PXYLP1: variants seen among roughly 807,000 people sequenced by gnomAD.
The protein encoded by PXYLP1 is 2-phosphoxylose phosphatase 1.
A neutral mutation model predicts 37.9 loss-of-function variants in PXYLP1; 17 were observed. The ratio of observed to expected loss-of-function variants is 0.45; its 90% CI spans 0.31 to 0.67. The LOEUF is 0.67. PXYLP1 is among the 30% of genes least tolerant of loss of function. The pLI, the probability that PXYLP1 is intolerant of heterozygous loss-of-function variation, is 0.07. For missense variants in PXYLP1, 511 were observed against 612.0 expected, an observed-to-expected ratio of 0.84 and a Z score of 1.74; for synonymous variants, 221 against 232.2, an observed-to-expected ratio of 0.95 and a Z score of 0.44.
chr3:141,241,528 G>A (rs1180431019), intron 1 of PXYLP1, among the ~76,000 whole-genome samples: 1 of 152,196 alleles, frequency 6.6e-6, no homozygotes, highest in Non-Finnish European at 1.5e-5. Context: ...GGGGAAGGTG[G>A]TGCTTAAGCT....
intron 2 of PXYLP1, among the ~76,000 whole-genome samples, chr3:141,271,341 C>G (rs1421585782): frequency 6.6e-6 from 1 of 152,178 alleles, no homozygotes; most frequent in Non-Finnish European, 1.5e-5. Context: ...GCAGGGGCAA[C>G]TGAGGACAGA....
intron 1 of PXYLP1, among the ~76,000 whole-genome samples, chr3:141,256,269 T>C (rs1286337384): frequency 1.3e-5 from 2 of 152,140 alleles, no homozygotes; most frequent in East Asian, 3.9e-4. Flanking sequence ...TTTTGTCTCT[T>C]ATCCTCAGTC....
At position 141,260,267 on chromosome 3, in the gene PXYLP1, G is replaced by A. The variant is rs200290150; in HGVS notation, c.79+13G>A. ...AGCCTGCAGTTCTGTGAGTAGAGCC[G>A]GGCCCCGCAGGTCGTGGGAGGGTAG... On this transcript the variant is annotated intron_variant, in intron 2 of 5. Coordinates refer to ENST00000286353, the MANE Select transcript of PXYLP1 (RefSeq NM_001037172.3). The A allele has an allele frequency of 2.2e-4, 347 of 1,611,438 alleles. 1 individual carries two copies. Among genetic ancestry groups the A allele is most frequent in the Admixed American group, 4.5e-4 (27 of 60,014 alleles).
chr3:141,240,494 G>A (rs1475914717), intron 1 of PXYLP1, among the ~76,000 whole-genome samples: 3 of 152,038 alleles, frequency 2.0e-5, no homozygotes, highest in Admixed American at 2.0e-4. Flanking sequence ...TGTGGGCCAG[G>A]CTCAGAGGTG....
At chr3:141,262,176 G>A in intron 2 of PXYLP1, 1 of 613,360 alleles carries the variant, frequency 1.6e-6, no homozygotes, top group Non-Finnish European at 2.0e-6. Context: ...ATATTTCCAT[G>A]TACATGCATA....
intron 2 of PXYLP1, chr3:141,262,512 G>A: frequency 1.3e-6 from 1 of 787,828 alleles, no homozygotes; most frequent in South Asian, 2.8e-5. Flanking sequence ...GCATGAGCTG[G>A]TTTCCACGTC....
At chr3:141,246,813 T>A (rs1940970587) in intron 1 of PXYLP1, among the ~76,000 whole-genome samples, 1 of 152,244 alleles carries the variant, frequency 6.6e-6, no homozygotes, top group African/African-American at 2.4e-5. Context: ...CATTTTACAC[T>A]TATCCTCATA....
In PXYLP1 at chr3:141,278,467, A is replaced by G. The variant is rs778738753; in HGVS notation, c.205A>G (p.Asn69Asp). 1 of 1,614,178 alleles carries G rather than the reference A, an allele frequency of 6.2e-7. No individual in the cohort carries two copies. Among genetic ancestry groups the G allele is most frequent in the South Asian group, 1.1e-5 (1 of 91,078 alleles). The change falls in exon 3 of 6, where the codon AAC becomes GAC. Residue 69 changes from asparagine (N) to aspartate (D), a missense_variant. By Grantham distance (23) the Asn-to-Asp change is conservative. Transcript: ENST00000286353. Reference protein sequence around the residue: ...DPVYEALLYCNIPSVAERSME... With the variant: ...DPVYEALLYCDIPSVAERSME... The stretch of plus-strand genomic sequence containing the variant: ...CGTTTATGAAGCTCTTTTGTACTGC[A>G]ACATCCCCAGCGTGGCCGAGCGCAG...
intron 1 of PXYLP1, among the ~76,000 whole-genome samples, chr3:141,236,058 C>T (rs1940651197): frequency 6.6e-6 from 1 of 152,126 alleles, no homozygotes; most frequent in South Asian, 2.1e-4. Context: ...TTTCTGCAGT[C>T]AGGAGGCACC....
At position 141,262,870 on chromosome 3, in the gene PXYLP1, T is replaced by A. The variant is rs533271486; in HGVS notation, c.79+2616T>A. On this transcript the variant is annotated intron_variant, in intron 2 of 5. Coordinates refer to ENST00000286353, the MANE Select transcript of PXYLP1 (RefSeq NM_001037172.3). ...ACAGGTTTCGCTTATATACCACTTATGTTCTCATTCTTATCCTAAAATATA... is the reference window on the plus strand; with the variant it reads ...ACAGGTTTCGCTTATATACCACTTAAGTTCTCATTCTTATCCTAAAATATA... The A allele has an allele frequency of 1.6e-5, 9 of 548,486 alleles. No homozygotes were observed. The East Asian group carries it at 2.5e-4, about 15-fold the overall frequency. The allele number at this position is 548,486 out of a possible 1,614,324, so 34.0% of individuals were successfully genotyped here.
Position 141,266,254 on chromosome 3 carries a change from C to T in PXYLP1, c.79+6000C>T, listed in dbSNP as rs905560775. On this transcript the variant is annotated intron_variant, in intron 2 of 5. Coordinates refer to ENST00000286353, the MANE Select transcript of PXYLP1 (RefSeq NM_001037172.3). Reference sequence around the variant, plus strand: ...TTAAAACTAGGCAATTTCATGTAAACTTCCAGCTCCTCTTTGAAAAACCAG... The same window carrying T: ...TTAAAACTAGGCAATTTCATGTAAATTTCCAGCTCCTCTTTGAAAAACCAG... 3.9e-5 allele frequency among the ~76,000 whole-genome samples: 6 copies of T among 152,310 alleles called. No individual in the cohort carries two copies. In the South Asian group the frequency reaches 8.3e-4, roughly 21 times the overall value.
intron 4 of PXYLP1, among the ~76,000 whole-genome samples, chr3:141,279,718 A>C (rs946178500): frequency 2.0e-5 from 3 of 152,228 alleles, no homozygotes; most frequent in African/African-American, 7.2e-5. Context: ...TACTGAGCCC[A>C]GGCCAGTCTG....
intron 1 of PXYLP1, among the ~76,000 whole-genome samples, chr3:141,251,481 G>A (rs1388734726): frequency 6.6e-6 from 1 of 152,200 alleles, no homozygotes; most frequent in Non-Finnish European, 1.5e-5. Context: ...AGGGAGTTTA[G>A]GAAATATTCT....
chr3:141,238,509 C>T (rs1940712369), intron 1 of PXYLP1, among the ~76,000 whole-genome samples: 1 of 152,202 alleles, frequency 6.6e-6, no homozygotes, highest in Non-Finnish European at 1.5e-5. Flanking sequence ...ATACTTCATA[C>T]CGATAAGTCA....
chr3:141,240,324 G>A (rs1940764650), intron 1 of PXYLP1, among the ~76,000 whole-genome samples: 1 of 152,158 alleles, frequency 6.6e-6, no homozygotes, highest in African/African-American at 2.4e-5. Flanking sequence ...AATATGGTAG[G>A]CATTCACTTT....
intron 1 of PXYLP1, among the ~76,000 whole-genome samples, chr3:141,255,192 G>A (rs1171155570): frequency 6.6e-6 from 1 of 152,238 alleles, no homozygotes; most frequent in Non-Finnish European, 1.5e-5. Context: ...GTTGAATTGA[G>A]TTAGCTGGGT....
rs150093937 is a variant in PXYLP1 at position 141,237,580 on chromosome 3, C to T, written c.-54+5669C>T. Among the ~76,000 whole-genome samples the T allele has an allele frequency of 5.3e-3, 810 of 152,264 alleles. 8 individuals are homozygous for T. The highest frequency in any genetic ancestry group is 0.018 in the African/African-American group (764 of 41,540). Reference sequence around the variant, plus strand: ...GTTGTGAAACTGAAATATAATAATACATGATGAGGGCTTAGAAAAGCACCT... The same window carrying T: ...GTTGTGAAACTGAAATATAATAATATATGATGAGGGCTTAGAAAAGCACCT... On this transcript the variant is annotated intron_variant, in intron 1 of 5. Coordinates refer to ENST00000286353, the MANE Select transcript of PXYLP1 (RefSeq NM_001037172.3).
chr3:141,292,748 T>G lies in PXYLP1; in HGVS notation c.986T>G (p.Ile329Ser), dbSNP rs1227966859. Residue 329 changes from isoleucine to serine, a missense_variant, in exon 6 of 6, where the codon ATC becomes AGC. Transcript: ENST00000286353. This position sits in a 1 kb window ranked among gnomAD's most constrained non-coding sequence, Gnocchi z 4.3. Reference sequence around the variant, plus strand: ...TTCAAGGTAATTAAGACCCATCAGATCGAGGATGAAAGGGAAAGACGGGAG... The same window carrying G: ...TTCAAGGTAATTAAGACCCATCAGAGCGAGGATGAAAGGGAAAGACGGGAG... Reference protein sequence around the residue: ...EHFKVIKTHQIEDERERREKK... With the variant: ...EHFKVIKTHQSEDERERREKK... 2.5e-6 allele frequency: 4 copies of G among 1,613,740 alleles called. No individual in the cohort carries two copies. The highest frequency in any genetic ancestry group is 3.4e-6 in the Non-Finnish European group (4 of 1,179,940).
intron 1 of PXYLP1, among the ~76,000 whole-genome samples, chr3:141,239,955 A>G (rs1940756047): frequency 1.3e-5 from 2 of 152,264 alleles, no homozygotes; most frequent in Admixed American, 6.5e-5. Flanking sequence ...GGGTGAATGA[A>G]TGATGAGTGG....
Sources: gnomAD v4.1 joint callset for allele counts (sites outside exome capture counted in the v4.1 genomes callset) on GRCh38, gnomAD v4.1.1 for gene constraint, Gnocchi (gnomAD v3.1) non-coding constraint, MANE v1.5 for transcripts, NCBI Gene and HGNC (gene_info 2026-07-23, HGNC 2026-07-21) for gene names.